ALK: variants seen among roughly 807,000 people sequenced by gnomAD.
ALK encodes ALK receptor tyrosine kinase.
A neutral mutation model predicts 163.1 loss-of-function variants in ALK; 74 were observed. The observed-to-expected ratio is 0.45, with a 90% CI of 0.38 to 0.55. The LOEUF (loss-of-function observed/expected upper bound fraction) is 0.55, where lower values mean the gene tolerates loss of function less well. ALK is among the 20% of genes least tolerant of loss of function. The probability of loss-of-function intolerance (pLI) is 0.00; values close to 1 mark genes in which losing one functional copy is unlikely to be tolerated. For missense variants in ALK, 2,063 were observed against 2,105.3 expected (o/e 0.98, Z 0.39); for synonymous variants, 960 against 843.2 (o/e 1.14, Z -2.40).
intron 2 of ALK, among the ~76,000 whole-genome samples, chr2:29,696,023 C>G (rs1678548848): frequency 6.6e-6 from 1 of 152,188 alleles, no homozygotes; most frequent in South Asian, 2.1e-4. Context: ...CACCAGCAAT[C>G]CCATTACTGG....
intron 1 of ALK, among the ~76,000 whole-genome samples, chr2:29,792,315 C>T (rs546570336): frequency 1.1e-4 from 17 of 152,136 alleles, no homozygotes; most frequent in African/African-American, 4.1e-4. Flanking sequence ...CAGAAACAGA[C>T]TCAGGTCTGT....
At chr2:29,302,449 C>T (rs926383518) in intron 8 of ALK, among the ~76,000 whole-genome samples, 2 of 152,136 alleles carry the variant, frequency 1.3e-5, no homozygotes, top group South Asian at 2.1e-4. Flanking sequence ...ACCCGGGAGG[C>T]GGAGGTTGCA....
intron 9 of ALK, among the ~76,000 whole-genome samples, chr2:29,280,046 T>C (rs1201919406): frequency 1.3e-5 from 2 of 151,816 alleles, no homozygotes; most frequent in African/African-American, 4.8e-5. Flanking sequence ...TGACACTTAG[T>C]TGGGACCTGA....
intron 5 of ALK, among the ~76,000 whole-genome samples, chr2:29,360,847 G>A (rs1668369812): frequency 6.6e-6 from 1 of 152,148 alleles, no homozygotes; most frequent in Admixed American, 6.5e-5. Flanking sequence ...AAAGATGAGT[G>A]GTCAGAAGCT....
At position 29,750,183 on chromosome 2, in the gene ALK, A is replaced by G. The variant is rs150153953; in HGVS notation, c.668-32486T>C. Among the ~76,000 whole-genome samples, 3 of 152,356 alleles carry G rather than the reference A, an allele frequency of 2.0e-5. No homozygotes were observed. In the East Asian group the frequency reaches 5.8e-4, roughly 29 times the overall value. ...AAATGCATCATTAGATGATTTCATC[A>G]CAGTGTGAACATCACAGAGTGCATT... On this transcript the variant is annotated intron_variant, in intron 1 of 28. Coordinates refer to ENST00000389048, the MANE Select transcript of ALK (RefSeq NM_004304.5).
At chr2:29,830,696 C>A in intron 1 of ALK, among the ~76,000 whole-genome samples, 1 of 107,258 alleles carries the variant, frequency 9.3e-6, no homozygotes, top group Non-Finnish European at 1.8e-5. Context: ...CAGCAAGACC[C>A]TGTCTCTAAA....
At chr2:29,530,913 C>G (rs1383560454) in intron 4 of ALK, among the ~76,000 whole-genome samples, 1 of 152,206 alleles carries the variant, frequency 6.6e-6, no homozygotes, top group African/African-American at 2.4e-5. Context: ...ACTGCAGCAG[C>G]TTGTAGTCCT....
chr2:29,625,820 C>T (rs557552728), intron 3 of ALK, among the ~76,000 whole-genome samples: 4 of 152,292 alleles, frequency 2.6e-5, no homozygotes, highest in East Asian at 3.9e-4. Flanking sequence ...AAGTTGACAT[C>T]ACTTGCCTGA....
chr2:29,645,027 G>A lies in ALK; in HGVS notation c.952+49823C>T, dbSNP rs75485279. ...CCACAGTCTTGGAGGCCTTGGAGAT[G>A]TCCCAAAGCCAAGACTGCCCAGAAA... is the stretch of plus-strand genomic sequence containing the variant. On this transcript the variant is annotated intron_variant, in intron 3 of 28. Coordinates refer to ENST00000389048, the MANE Select transcript of ALK (RefSeq NM_004304.5). Among the ~76,000 whole-genome samples the A allele has an allele frequency of 3.0e-3, 454 of 152,232 alleles. 1 individual carries two copies. Among genetic ancestry groups the A allele is most frequent in the African/African-American group, 9.9e-3 (411 of 41,530 alleles).
chr2:29,867,665 GA>G (rs1456576378), intron 1 of ALK, among the ~76,000 whole-genome samples: 3 of 152,234 alleles, frequency 2.0e-5, no homozygotes, highest in Non-Finnish European at 2.9e-5. Context: ...ACCACTTTCA[GA>G]AGGGGACTGT....
chr2:29,388,835 A>G (rs765982624), intron 4 of ALK, among the ~76,000 whole-genome samples: 47 of 152,242 alleles, frequency 3.1e-4, no homozygotes, highest in Non-Finnish European at 6.2e-4. Context: ...ACGTTTGTTT[A>G]AATAAAGAAA....
At chr2:29,853,603 C>T (rs146313142) in intron 1 of ALK, among the ~76,000 whole-genome samples, 2 of 152,328 alleles carry the variant, frequency 1.3e-5, no homozygotes, top group Non-Finnish European at 1.5e-5. Context: ...TCCCTACCTA[C>T]CACTCTCCAT....
rs554104150 is a variant in ALK at position 29,676,543 on chromosome 2, C to T, written c.952+18307G>A. Among the ~76,000 whole-genome samples the T allele has an allele frequency of 4.6e-5, 7 of 152,120 alleles. No homozygotes were observed. The East Asian group carries it at 1.2e-3, about 25-fold the overall frequency. On this transcript the variant is annotated intron_variant, in intron 3 of 28. Transcript: ENST00000389048. ...TAAGCCTCTCCTTTCTTTAATATCA[C>T]ACTGTCTTCATTACTTTGGCTTTAT...
chr2:29,497,798 A>C (rs183493752), intron 4 of ALK, among the ~76,000 whole-genome samples: 1 of 152,246 alleles, frequency 6.6e-6, no homozygotes, highest in Non-Finnish European at 1.5e-5. Context: ...CATTTGTTAT[A>C]ACTAGTCCCT....
At chr2:29,343,924 G>A (rs1212569238) in intron 5 of ALK, among the ~76,000 whole-genome samples, 1 of 152,110 alleles carries the variant, frequency 6.6e-6, no homozygotes, top group East Asian at 1.9e-4. Context: ...ATTCTCTAGA[G>A]TGAAGAGCTA....
chr2:29,509,809 G>C lies in ALK; in HGVS notation c.1154+22106C>G, dbSNP rs554757230. The stretch of plus-strand genomic sequence containing the variant: ...ACACTGGAGAACCAGAAAGAATAAA[G>C]GTAGGGTTGGGGAGAAGCATTTAAA... On this transcript the variant is annotated intron_variant, in intron 4 of 28. Coordinates refer to ENST00000389048, the MANE Select transcript of ALK (RefSeq NM_004304.5). Among the ~76,000 whole-genome samples, 48 of 152,322 alleles carry C rather than the reference G, an allele frequency of 3.2e-4. 1 individual carries two copies. Among genetic ancestry groups the C allele is most frequent in the Admixed American group, 3.0e-3 (46 of 15,300 alleles).
chr2:29,401,407 G>C (rs1669443340), intron 4 of ALK, among the ~76,000 whole-genome samples: 1 of 152,122 alleles, frequency 6.6e-6, no homozygotes, highest in South Asian at 2.1e-4. Flanking sequence ...GACCCTCCCA[G>C]CCAACCCCCT....
chr2:29,204,736 C>T (rs1027073878), intron 26 of ALK, among the ~76,000 whole-genome samples: 2 of 152,178 alleles, frequency 1.3e-5, no homozygotes, highest in East Asian at 3.9e-4. Context: ...TTTACAGGGG[C>T]CTACCACCAT....
chr2:29,874,815 A>G (rs1666662982), intron 1 of ALK, among the ~76,000 whole-genome samples: 1 of 152,204 alleles, frequency 6.6e-6, no homozygotes, highest in Non-Finnish European at 1.5e-5. Flanking sequence ...TGGACTTCAC[A>G]CCAAGATACG....
Sources: allele counts gnomAD v4.1 joint callset (sites outside exome capture counted in the v4.1 genomes callset), GRCh38; gene constraint gnomAD v4.1.1; transcripts MANE v1.5; gene names NCBI Gene and HGNC (gene_info 2026-07-23, HGNC 2026-07-21).